ARMH1: variants seen among roughly 807,000 people sequenced by gnomAD.
ARMH1 encodes the protein armadillo-like helical domain containing protein 1.
ARMH1 carries 34 observed loss-of-function variants against 50.2 expected under a neutral mutation model. The ratio of observed to expected loss-of-function variants is 0.68; its 90% confidence interval spans 0.51 to 0.90. The LOEUF is 0.90. Among genes scored for constraint, ARMH1 ranks in the 40% least tolerant of loss-of-function variants. The pLI is 0.00. For synonymous variants in ARMH1, 221 were observed against 224.2 expected (o/e 0.99, Z 0.13); for missense variants, 538 against 553.9 (o/e 0.97, Z 0.29).
intron 6 of ARMH1, among the ~76,000 whole-genome samples, chr1:44,719,714 C>T (rs1647005565): frequency 6.6e-6 from 1 of 152,218 alleles, no homozygotes; most frequent in Non-Finnish European, 1.5e-5. Flanking sequence ...GTTCTGTGTG[C>T]TCTGTAAATC....
At chr1:44,719,908 C>T (rs1301081107) in intron 6 of ARMH1, among the ~76,000 whole-genome samples, 3 of 152,104 alleles carry the variant, frequency 2.0e-5, no homozygotes, top group Non-Finnish European at 4.4e-5. Flanking sequence ...CAAAGTTGGC[C>T]ATGGGGCCAG....
In ARMH1 at chr1:44,698,132, G is replaced by C; in HGVS notation, c.345G>C (p.Glu115Asp). 7 of 1,552,358 alleles carry C rather than the reference G, an allele frequency of 4.5e-6. No individual in the cohort carries two copies. The highest frequency in any genetic ancestry group is 6.1e-6 in the Non-Finnish European group (7 of 1,147,106). Residue 115 changes from glutamate to aspartate, a missense_variant, in exon 4 of 12, where the codon GAG (glutamate) becomes GAC (aspartate). Glu to Asp is a conservative substitution (Grantham distance 45). Transcript: ENST00000535358. The stretch of plus-strand genomic sequence containing the variant: ...CCCTCTTGGAAATACTTGGGCTAGA[G>C]AAGATCAAGGAGGAGGCCAAGAAGG... ...VLTLLEILGL[E>D]KIKEEAKKES... is the part of the protein sequence containing the mutation.
At chr1:44,699,489 G>A (rs574592287) in intron 4 of ARMH1, among the ~76,000 whole-genome samples, 2 of 151,854 alleles carry the variant, frequency 1.3e-5, no homozygotes, top group East Asian at 1.9e-4. Flanking sequence ...TCACTCTATC[G>A]CCCAGGCTGG....
chr1:44,678,321 G>A (rs1645200882), intron 1 of ARMH1, among the ~76,000 whole-genome samples: 1 of 151,914 alleles, frequency 6.6e-6, no homozygotes, highest in Non-Finnish European at 1.5e-5. Flanking sequence ...GGGAGAAGAT[G>A]AAGGCAGAGG....
At chr1:44,704,479 C>T (rs765472292) in intron 6 of ARMH1, among the ~76,000 whole-genome samples, 1 of 151,508 alleles carries the variant, frequency 6.6e-6, no homozygotes, top group Non-Finnish European at 1.5e-5. Flanking sequence ...AGAAACTAAA[C>T]TGAATAGTCG....
chr1:44,691,736 AAC>A lies in ARMH1; in HGVS notation c.206+1834_206+1835del, dbSNP rs1491013423. Among the ~76,000 whole-genome samples the A allele has an allele frequency of 1.4e-4, 21 of 152,268 alleles. No homozygotes were observed. In the East Asian group the frequency reaches 3.7e-3, roughly 27 times the overall value. On this transcript the variant is annotated intron_variant, in intron 2 of 11. Coordinates refer to ENST00000535358, the MANE Select transcript of ARMH1 (RefSeq NM_001145636.2). ...ATCTGAGTTCCATACCTATATATCC[AAC>A]TATTCCATACCCATATATCCATCTT...
At chr1:44,720,594 G>T (rs1039470098) in intron 6 of ARMH1, among the ~76,000 whole-genome samples, 1 of 152,208 alleles carries the variant, frequency 6.6e-6, no homozygotes, top group Non-Finnish European at 1.5e-5. Context: ...TCTATAGCAA[G>T]AATTCTATAC....
At chr1:44,676,054 T>C (rs1238057328) in intron 1 of ARMH1, among the ~76,000 whole-genome samples, 1 of 152,122 alleles carries the variant, frequency 6.6e-6, no homozygotes, top group Non-Finnish European at 1.5e-5. Flanking sequence ...GGAAGGATTA[T>C]GGTGGCACAA....
Position 44,674,772 on chromosome 1 carries a change from C to A in ARMH1, c.-124C>A, listed in dbSNP as rs1337574046. 1 of 210,562 alleles carries A rather than the reference C, an allele frequency of 4.7e-6. No homozygotes were observed. The highest frequency in any genetic ancestry group is 9.6e-6 in the Non-Finnish European group (1 of 103,898). The allele number at this position is 210,562 out of a possible 1,614,324, so 13.0% of individuals were successfully genotyped here. A position where few individuals can be genotyped will look rare whatever the true frequency, so the allele number is the denominator to read the frequency against. ...CTGGGAATGGGCAGGGTCACTCGTC[C>A]GAACAGAGTCCTATCCTACGCGGCG... is the stretch of plus-strand genomic sequence containing the variant. On this transcript the variant is annotated 5_prime_UTR_variant, in exon 1 of 12. Transcript: ENST00000535358.
chr1:44,703,520 C>T (rs1366883860), intron 5 of ARMH1, among the ~76,000 whole-genome samples: 2 of 145,684 alleles, frequency 1.4e-5, no homozygotes, highest in Admixed American at 7.1e-5. Context: ...GTCAAGAACT[C>T]GAGACCAGCC....
At chr1:44,695,003 C>T (rs191401355) in intron 2 of ARMH1, among the ~76,000 whole-genome samples, 52 of 152,178 alleles carry the variant, frequency 3.4e-4, no homozygotes, top group South Asian at 1.7e-3. Context: ...GGTGTCTGTC[C>T]GAAAGCCTAT....
rs1017632143 is a variant in ARMH1, at chr1:44,704,155, C to T, written c.706C>T (p.Leu236=). 27 of 1,551,166 alleles carry T rather than the reference C, an allele frequency of 1.7e-5. No homozygotes were observed. The highest frequency in any genetic ancestry group is 2.2e-5 in the Non-Finnish European group (25 of 1,146,788). ...CVLKVLGTMH[L]EVQYEAIELI... Reference sequence around the variant, plus strand: ...GCTGAAGGTGCTGGGCACGATGCACCTGGAAGTCCAGTATGAAGGTAGGGA... The same window carrying T: ...GCTGAAGGTGCTGGGCACGATGCACTTGGAAGTCCAGTATGAAGGTAGGGA... The change falls in exon 6 of 12, where the codon CTG becomes TTG. Residue 236 remains leucine (L), a synonymous_variant. Coordinates refer to ENST00000535358, the MANE Select transcript of ARMH1 (RefSeq NM_001145636.2).
chr1:44,711,401 G>A (rs576380356), intron 6 of ARMH1, among the ~76,000 whole-genome samples: 49 of 152,338 alleles, frequency 3.2e-4, no homozygotes, highest in African/African-American at 1.1e-3. Context: ...TAGTGGATGC[G>A]AAGTGCATTT....
intron 1 of ARMH1, among the ~76,000 whole-genome samples, chr1:44,687,480 G>GA (rs1557518890): frequency 1.3e-5 from 2 of 152,180 alleles, no homozygotes; most frequent in African/African-American, 2.4e-5. Flanking sequence ...GTAAACAGCA[G>GA]AAAAAATAGC....
intron 1 of ARMH1, chr1:44,689,147 C>CT: frequency 6.5e-6 from 1 of 154,336 alleles, no homozygotes; most frequent in South Asian, 2.0e-4. Context: ...CACTGCAACC[C>CT]GCCTCCCGGG....
At chr1:44,701,903 C>CA (rs1238702275) in intron 5 of ARMH1, among the ~76,000 whole-genome samples, 1 of 144,410 alleles carries the variant, frequency 6.9e-6, no homozygotes. Flanking sequence ...ACTCCCTGGG[C>CA]AAAAAAGTGA....
rs1313395872 is a variant in ARMH1, at chr1:44,683,625, C to T, written c.-22-6051C>T. On this transcript the variant is annotated intron_variant, in intron 1 of 11. Transcript: ENST00000535358. The surrounding 1 kb of genome is among the most constrained non-coding windows in gnomAD (Gnocchi z 4.2). The stretch of plus-strand genomic sequence containing the variant: ...GGGACGGTGAGCTAAACCACTAAAT[C>T]TGACAACAGGAGATTATTGGTGACA... Among the ~76,000 whole-genome samples the T allele has an allele frequency of 6.6e-6, 1 of 152,186 alleles. No homozygotes were observed. The highest frequency in any genetic ancestry group is 1.5e-5 in the Non-Finnish European group (1 of 68,032).
chr1:44,712,813 G>T lies in ARMH1; in HGVS notation c.724+8640G>T, dbSNP rs566110979. On this transcript the variant is annotated intron_variant, in intron 6 of 11. Transcript: ENST00000535358. The stretch of plus-strand genomic sequence containing the variant: ...CAAGAAGCTGGGATTACAGGCATGT[G>T]CCACCACGCCCAGCTAATTTTTATA... Among the ~76,000 whole-genome samples the T allele has an allele frequency of 4.6e-5, 7 of 151,478 alleles. No homozygotes were observed. In the South Asian group the frequency reaches 1.5e-3, roughly 32 times the overall value.
chr1:44,681,469 C>G lies in ARMH1; in HGVS notation c.-23+6596C>G, dbSNP rs956691359. On this transcript the variant is annotated intron_variant, in intron 1 of 11. Transcript: ENST00000535358. This position sits in a 1 kb window ranked among gnomAD's most constrained non-coding sequence, Gnocchi z 4.3. ...CAGCCTGAGTGACAAGAGTGAGCCC[C>G]TATCTCGAATAAATACACTGATAAA... Among the ~76,000 whole-genome samples the G allele has an allele frequency of 3.3e-5, 5 of 151,958 alleles. No individual in the cohort carries two copies. The highest frequency in any genetic ancestry group is 1.2e-4 in the African/African-American group (5 of 41,348).
Sources: allele counts gnomAD v4.1 joint callset (sites outside exome capture counted in the v4.1 genomes callset), GRCh38; gene constraint gnomAD v4.1.1; non-coding constraint Gnocchi (gnomAD v3.1); transcripts MANE v1.5; gene names NCBI Gene and HGNC (gene_info 2026-07-23, HGNC 2026-07-21).